SLC8A2: variants seen among roughly 807,000 people sequenced by gnomAD.
SLC8A2 encodes the protein sodium/calcium exchanger 2.
SLC8A2 carries 14 observed loss-of-function variants against 70.2 expected under a neutral mutation model. The observed-to-expected ratio is 0.20, with a 90% CI of 0.13 to 0.31. The LOEUF is 0.31. Among genes scored for constraint, SLC8A2 ranks in the 10% least tolerant of loss-of-function variants. SLC8A2 has a pLI of 1.00. For missense variants in SLC8A2, 779 were observed against 1,320.1 expected (o/e 0.59, Z 6.35); for synonymous variants, 575 against 594.3 (o/e 0.97, Z 0.47).
chr19:47,464,325 T>C (rs1297861836), intron 2 of SLC8A2, among the ~76,000 whole-genome samples: 2 of 152,136 alleles, frequency 1.3e-5, no homozygotes, highest in Non-Finnish European at 2.9e-5. Context: ...TTGGCCAGGC[T>C]GGTCTCGAAC....
intron 6 of SLC8A2, among the ~76,000 whole-genome samples, chr19:47,440,177 A>G (rs1967084206): frequency 6.6e-6 from 1 of 152,020 alleles, no homozygotes; most frequent in Non-Finnish European, 1.5e-5. Flanking sequence ...CTTGGCCCCA[A>G]TTCTAACCTA....
intron 2 of SLC8A2, among the ~76,000 whole-genome samples, chr19:47,461,222 C>T (rs1269098785): frequency 3.3e-5 from 5 of 149,740 alleles, no homozygotes; most frequent in African/African-American, 1.2e-4. Context: ...GACAAGGCCC[C>T]CGAAGGCCAG....
At chr19:47,434,454 T>C (rs1337914012) in intron 8 of SLC8A2, among the ~76,000 whole-genome samples, 1 of 152,218 alleles carries the variant, frequency 6.6e-6, no homozygotes, top group Non-Finnish European at 1.5e-5. Context: ...CTCTCTGGGC[T>C]TCTGGGTGCC....
intron 6 of SLC8A2, among the ~76,000 whole-genome samples, chr19:47,439,617 T>TCCTTCCTTC (rs1967074637): frequency 6.9e-6 from 1 of 145,812 alleles, no homozygotes; most frequent in African/African-American, 2.6e-5. Context: ...TTCCTTCCTT[T>TCCTTCCTTC]CTTCCTTCCT....
intron 1 of SLC8A2, among the ~76,000 whole-genome samples, chr19:47,469,221 C>A (rs192515774): frequency 3.0e-3 from 459 of 152,080 alleles, no homozygotes; most frequent in African/African-American, 0.011. Flanking sequence ...CTCAGCAAGG[C>A]CCCTAATGAT....
chr19:47,449,022 C>T (rs758659674), intron 3 of SLC8A2, among the ~76,000 whole-genome samples: 7 of 152,160 alleles, frequency 4.6e-5, no homozygotes, highest in Non-Finnish European at 1.0e-4. Flanking sequence ...GATTTAATTA[C>T]GGTTCATTCA....
At chr19:47,445,840 C>A (rs1967154453) in intron 4 of SLC8A2, among the ~76,000 whole-genome samples, 1 of 152,206 alleles carries the variant, frequency 6.6e-6, no homozygotes, top group South Asian at 2.1e-4. Context: ...TCCCCCATCT[C>A]TTGGTGTGAG....
rs781697270 is a variant in SLC8A2 at position 47,465,740 on chromosome 19, C to T, written c.664G>A (p.Gly222Ser). ...LYLILAVFSP[G>S]VVQVWEALLT... ...GCGTCTTTGCTCACCTGGACCACAC[C>T]GGGGGAAAAAACAGCAAGGATGAGA... The change falls in exon 2 of 10, where the codon GGT becomes AGT. Residue 222 changes from glycine (G) to serine (S), a missense_variant. Transcript: ENST00000236877. This position sits in a 1 kb window ranked among gnomAD's most constrained non-coding sequence, Gnocchi z 5.5. 7 of 1,610,066 alleles carry T rather than the reference C, an allele frequency of 4.3e-6. No individual in the cohort carries two copies. The highest frequency in any genetic ancestry group is 1.7e-4 in the Middle Eastern group (1 of 6,056).
chr19:47,468,906 CCTCCACCCT>C lies in SLC8A2; in HGVS notation c.-16-2496_-16-2488del, dbSNP rs1420429526. ...GAGAGGAAGAGAGGTGTCCTGGGAA[CCTCCACCCT>C]CCCAGACCCCTCTGCCACCAGCCTC... On this transcript the variant is annotated intron_variant, in intron 1 of 9. Coordinates refer to ENST00000236877, the MANE Select transcript of SLC8A2 (RefSeq NM_015063.3). This position sits in a 1 kb window ranked among gnomAD's most constrained non-coding sequence, Gnocchi z 5.1. Among the ~76,000 whole-genome samples the C allele has an allele frequency of 1.3e-5, 2 of 152,070 alleles. No homozygotes were observed. Among genetic ancestry groups the C allele is most frequent in the Non-Finnish European group, 2.9e-5 (2 of 68,020 alleles).
rs551714205 is a variant in SLC8A2, at chr19:47,443,403, A to T, written c.1764-1963T>A. ...GAATGCCCACAGCTTTGCCACTGGC[A>T]ACTCTTTAGGCTGTAGGAACCATGT... On this transcript the variant is annotated intron_variant, in intron 4 of 9. Coordinates refer to ENST00000236877, the MANE Select transcript of SLC8A2 (RefSeq NM_015063.3). 3.3e-5 allele frequency among the ~76,000 whole-genome samples: 5 copies of T among 152,304 alleles called. No individual in the cohort carries two copies. The East Asian group carries it at 9.6e-4, about 29-fold the overall frequency.
At position 47,465,621 on chromosome 19, in the gene SLC8A2, G is replaced by A. The variant is rs2122653212; in HGVS notation, c.675+108C>T. On this transcript the variant is annotated intron_variant, in intron 2 of 9. Transcript: ENST00000236877. This position sits in a 1 kb window ranked among gnomAD's most constrained non-coding sequence, Gnocchi z 5.5. ...CGTACTTGGCAGCCCTCTCAGATGT[G>A]AGTGTGCATTTCTGCAAATACAGCA... 2 of 967,952 alleles carry A rather than the reference G, an allele frequency of 2.1e-6. No homozygotes were observed. The highest frequency in any genetic ancestry group is 3.0e-6 in the Non-Finnish European group (2 of 657,302). 60.0% of individuals were successfully genotyped at this position (967,952 alleles called of 1,614,324 possible). A position where few individuals can be genotyped will look rare whatever the true frequency, so the allele number is the denominator to read the frequency against.
At chr19:47,436,591 C>T (rs1024143758) in intron 8 of SLC8A2, among the ~76,000 whole-genome samples, 3 of 152,144 alleles carry the variant, frequency 2.0e-5, no homozygotes, top group African/African-American at 7.2e-5. Context: ...ATTCCATGTA[C>T]GCCTTCAGTC....
intron 1 of SLC8A2, among the ~76,000 whole-genome samples, chr19:47,469,089 G>C (rs770269167): frequency 2.6e-5 from 4 of 151,838 alleles, no homozygotes; most frequent in Non-Finnish European, 4.4e-5. Context: ...TCCCAAGAAG[G>C]AGAGAGCAAG....
At chr19:47,467,200 A>C (rs149690625) in intron 1 of SLC8A2, among the ~76,000 whole-genome samples, 669 of 152,336 alleles carry the variant, frequency 4.4e-3, no homozygotes, top group Middle Eastern at 0.014. Flanking sequence ...AAAGGGAGTG[A>C]ACTATTTGCT....
intron 2 of SLC8A2, among the ~76,000 whole-genome samples, chr19:47,459,661 C>CTG (rs753476666): frequency 6.7e-6 from 1 of 149,520 alleles, no homozygotes; most frequent in Non-Finnish European, 1.5e-5. Flanking sequence ...GTGTGTCCTT[C>CTG]TGTGTGTGTG....
At chr19:47,459,552 G>A (rs111598601) in intron 2 of SLC8A2, among the ~76,000 whole-genome samples, 8 of 151,866 alleles carry the variant, frequency 5.3e-5, no homozygotes, top group African/African-American at 1.7e-4. Context: ...ATGTGTGAGC[G>A]TATGTGCATG....
chr19:47,458,344 GTC>G (rs1057355495), intron 2 of SLC8A2, among the ~76,000 whole-genome samples: 2 of 111,898 alleles, frequency 1.8e-5, no homozygotes, highest in South Asian at 3.1e-4. Context: ...GCCTCTCCCT[GTC>G]TCTCTTTCCT....
At chr19:47,463,577 C>T (rs1201733586) in intron 2 of SLC8A2, among the ~76,000 whole-genome samples, 1 of 148,290 alleles carries the variant, frequency 6.7e-6, no homozygotes, top group Non-Finnish European at 1.5e-5. Context: ...ACTAAAAATA[C>T]AAAAATTAGC....
At position 47,466,446 on chromosome 19, in the gene SLC8A2, G is replaced by A. The variant is rs903563679; in HGVS notation, c.-16-27C>T. On this transcript the variant is annotated intron_variant, in intron 1 of 9. Transcript: ENST00000236877. The surrounding 1 kb of genome is among the most constrained non-coding windows in gnomAD (Gnocchi z 6.9). ...TATGGGGGAGGAGGAGGAGGTCTGG[G>A]TGAGGGAAGCAAACCTCTTTCTGTC... The A allele has an allele frequency of 1.4e-5, 11 of 795,730 alleles. No homozygotes were observed. Among genetic ancestry groups the A allele is most frequent in the Non-Finnish European group, 2.1e-5 (11 of 516,022 alleles). The allele number at this position is 795,730 out of a possible 1,614,324, so 49.3% of individuals were successfully genotyped here. A position where few individuals can be genotyped will look rare whatever the true frequency, so the allele number is the denominator to read the frequency against.
Sources: allele counts gnomAD v4.1 joint callset (sites outside exome capture counted in the v4.1 genomes callset), GRCh38; gene constraint gnomAD v4.1.1; non-coding constraint Gnocchi (gnomAD v3.1); transcripts MANE v1.5; gene names NCBI Gene and HGNC (gene_info 2026-07-23, HGNC 2026-07-21).